MICAL3: variants seen among roughly 807,000 people sequenced by gnomAD.
MICAL3 encodes [F-actin]-monooxygenase MICAL3.
In MICAL3, 62 loss-of-function variants were observed where a neutral mutation model predicts 207.4. The ratio of observed to expected loss-of-function variants is 0.30; its 90% confidence interval spans 0.24 to 0.37. The LOEUF (loss-of-function observed/expected upper bound fraction) is 0.37. Among genes scored for constraint, MICAL3 ranks in the 10% least tolerant of loss-of-function variants. MICAL3 has a pLI of 1.00. For synonymous variants in MICAL3, 1,077 were observed against 1,069.3 expected (o/e 1.01, Z -0.14); for missense variants, 2,368 against 2,635.6 (o/e 0.90, Z 2.22).
chr22:17,882,417 C>A (rs570237525), intron 16 of MICAL3, among the ~76,000 whole-genome samples: 3 of 152,288 alleles, frequency 2.0e-5, no homozygotes, highest in African/African-American at 7.2e-5. Context: ...TGCCAGTCAG[C>A]CCTGCTTCTT....
intron 1 of MICAL3, among the ~76,000 whole-genome samples, chr22:17,932,866 G>A (rs1049726848): frequency 6.6e-6 from 1 of 152,112 alleles, no homozygotes; most frequent in African/African-American, 2.4e-5. Flanking sequence ...GATCAAAAGA[G>A]ACAAAGAAGG....
At position 17,944,885 on chromosome 22, in the gene MICAL3, C is replaced by T. The variant is rs143789696; in HGVS notation, c.-74-37999G>A. Among the ~76,000 whole-genome samples, 615 of 152,130 alleles carry T rather than the reference C, an allele frequency of 4.0e-3. 3 individuals carry two copies. The highest frequency in any genetic ancestry group is 0.014 in the African/African-American group (576 of 41,502). ...GGTTCTCCCCACAGTTCCTGGGGAC[C>T]GCTGTACTATTCACTTCCAGGAACA... On this transcript the variant is annotated intron_variant, in intron 1 of 31. Transcript: ENST00000441493.
At chr22:17,894,045 T>G (rs1930611222) in intron 10 of MICAL3, 141 bp from the exon 11 acceptor site, 3 of 639,332 alleles carry the variant, frequency 4.7e-6, no homozygotes, top group Middle Eastern at 2.5e-4. Context: ...TGATGACCTT[T>G]AAATCTTTTA....
chr22:17,980,328 G>A lies in MICAL3; in HGVS notation c.-75+43953C>T, dbSNP rs558598166. Reference sequence around the variant, plus strand: ...GGTGGAAGGAGGGATATTCTTCTGGGCTTCCAAAAGGAAATTGCTGCAAAC... The same window carrying A: ...GGTGGAAGGAGGGATATTCTTCTGGACTTCCAAAAGGAAATTGCTGCAAAC... On this transcript the variant is annotated intron_variant, in intron 1 of 31. Transcript: ENST00000441493. Among the ~76,000 whole-genome samples, 28 of 152,290 alleles carry A rather than the reference G, an allele frequency of 1.8e-4. 1 individual carries two copies. In the South Asian group the frequency reaches 5.8e-3, roughly 32 times the overall value.
chr22:17,935,066 T>A (rs1053022935), intron 1 of MICAL3, among the ~76,000 whole-genome samples: 7 of 152,080 alleles, frequency 4.6e-5, no homozygotes, highest in African/African-American at 1.4e-4. Flanking sequence ...TTCACAGAAT[T>A]GGAAAAAACT....
chr22:17,835,644 C>T (rs1569086914), intron 20 of MICAL3, among the ~76,000 whole-genome samples: 1 of 152,270 alleles, frequency 6.6e-6, no homozygotes, highest in Non-Finnish European at 1.5e-5. Flanking sequence ...ACAGATGCAA[C>T]ACAGACAACT....
At chr22:18,004,928 A>ATTTTTTT (rs372054826) in intron 1 of MICAL3, 1 of 140,948 alleles carries the variant, frequency 7.1e-6, no homozygotes, top group Non-Finnish European at 1.5e-5. Context: ...TTTTATTTTT[A>ATTTTTTT]TTTTGTTTTT....
At position 17,793,464 on chromosome 22, in the gene MICAL3, G is replaced by A. The variant is rs1266648167; in HGVS notation, c.5651-2163C>T. Among the ~76,000 whole-genome samples, 1 of 152,166 alleles carries A rather than the reference G, an allele frequency of 6.6e-6. No individual in the cohort carries two copies. Among genetic ancestry groups the A allele is most frequent in the African/African-American group, 2.4e-5 (1 of 41,438 alleles). On this transcript the variant is annotated intron_variant, in intron 29 of 31. Coordinates refer to ENST00000441493, the MANE Select transcript of MICAL3 (RefSeq NM_015241.3). The surrounding 1 kb of genome is among the most constrained non-coding windows in gnomAD (Gnocchi z 4.1). Reference sequence around the variant, plus strand: ...ATCTGAGACTTAAAGCCCCAGCCACGAAGGGCCAGCCAATGCTGCAGCCCT... The same window carrying A: ...ATCTGAGACTTAAAGCCCCAGCCACAAAGGGCCAGCCAATGCTGCAGCCCT...
At chr22:17,970,726 G>C (rs1196077826) in intron 1 of MICAL3, among the ~76,000 whole-genome samples, 1 of 152,154 alleles carries the variant, frequency 6.6e-6, no homozygotes, top group Admixed American at 6.6e-5. Flanking sequence ...AAGGTGCTAA[G>C]TCTGTCTTTC....
At chr22:17,821,312 T>TGTTA in intron 25 of MICAL3, 115 bp downstream of exon 25, 1 of 830,872 alleles carries the variant, frequency 1.2e-6, no homozygotes, top group South Asian at 1.9e-5. Context: ...CAGCAGGCTA[T>TGTTA]GTTAGCCCCA....
chr22:17,881,277 G>A, intron 16 of MICAL3: 3 of 1,610,640 alleles, frequency 1.9e-6, no homozygotes, highest in Non-Finnish European at 2.5e-6. Flanking sequence ...TTTTGGGGCA[G>A]GTCCGAGAAC....
At chr22:17,965,938 C>T (rs115929591) in intron 1 of MICAL3, among the ~76,000 whole-genome samples, 1 of 152,178 alleles carries the variant, frequency 6.6e-6, no homozygotes, top group Non-Finnish European at 1.5e-5. Flanking sequence ...CCAACCACCA[C>T]GGGACCAACC....
intron 29 of MICAL3, among the ~76,000 whole-genome samples, chr22:17,795,710 G>A (rs867050876): frequency 6.6e-6 from 1 of 152,264 alleles, no homozygotes; most frequent in African/African-American, 2.4e-5. Context: ...CGGCGAGTCC[G>A]AGCTGCGCTG....
intron 1 of MICAL3, among the ~76,000 whole-genome samples, chr22:17,976,133 T>C (rs1935619667): frequency 1.3e-5 from 2 of 152,208 alleles, no homozygotes; most frequent in Admixed American, 1.3e-4. Context: ...AAATGTTTTA[T>C]TTCTTTCTAA....
intron 22 of MICAL3, among the ~76,000 whole-genome samples, chr22:17,825,832 C>T (rs372932788): frequency 1.3e-5 from 2 of 152,068 alleles, no homozygotes; most frequent in African/African-American, 2.4e-5. Context: ...GCCAGTAGCC[C>T]CTCGGTGAGA....
At chr22:17,808,976 G>GC (rs1177451308) in intron 28 of MICAL3, 39 bp from the exon 29 acceptor site, 4 of 1,512,758 alleles carry the variant, frequency 2.6e-6, no homozygotes, top group Non-Finnish European at 3.6e-6. Context: ...CGGCTCTCCA[G>GC]CCCTGCTTCA....
chr22:17,845,593 C>A (rs1924549054), intron 19 of MICAL3, among the ~76,000 whole-genome samples: 1 of 151,600 alleles, frequency 6.6e-6, no homozygotes, highest in African/African-American at 2.4e-5. Flanking sequence ...AAAAAAAAAA[C>A]ATTCTGTGAG....
At chr22:17,884,100 T>G (rs563260076) in intron 16 of MICAL3, among the ~76,000 whole-genome samples, 2 of 152,344 alleles carry the variant, frequency 1.3e-5, no homozygotes, top group African/African-American at 4.8e-5. Context: ...AATCATGCAA[T>G]CAATCAGCAC....
At chr22:17,944,392 G>C (rs1194933375) in intron 1 of MICAL3, among the ~76,000 whole-genome samples, 1 of 152,138 alleles carries the variant, frequency 6.6e-6, no homozygotes, top group African/African-American at 2.4e-5. Flanking sequence ...GAGAGCAGGG[G>C]GTGAAGGAGA....
Sources: gnomAD v4.1 joint callset for allele counts (sites outside exome capture counted in the v4.1 genomes callset) on GRCh38, gnomAD v4.1.1 for gene constraint, Gnocchi (gnomAD v3.1) non-coding constraint, MANE v1.5 for transcripts, NCBI Gene and HGNC (gene_info 2026-07-23, HGNC 2026-07-21) for gene names.